Variants in PDZD2 observed in about 807,000 individuals in gnomAD.
PDZD2 encodes the protein PDZ domain-containing protein 2.
In PDZD2, 90 loss-of-function variants were observed where a neutral mutation model predicts 220.7. The observed-to-expected ratio is 0.41, with a 90% confidence interval of 0.34 to 0.49. The LOEUF is 0.49. PDZD2 is among the 20% of genes least tolerant of loss of function. PDZD2 has a pLI of 0.28. For missense variants in PDZD2, 3,174 were observed against 3,608.5 expected (o/e 0.88, Z 3.08); for synonymous variants, 1,375 against 1,450.5 (o/e 0.95, Z 1.18).
At chr5:31,856,120 T>C (rs894920838) in intron 2 of PDZD2, among the ~76,000 whole-genome samples, 1 of 152,352 alleles carries the variant, frequency 6.6e-6, no homozygotes. Flanking sequence ...GAGTTTGCAC[T>C]CTTACACTGT....
At chr5:32,079,535 C>T (rs751061537) in intron 19 of PDZD2, among the ~76,000 whole-genome samples, 1 of 151,292 alleles carries the variant, frequency 6.6e-6, no homozygotes, top group African/African-American at 2.4e-5. Context: ...GGCCGGGTGC[C>T]GTGGCTCACA....
rs1744873534 is a variant in PDZD2, at chr5:31,639,792, G to A, written c.-361+355G>A. Among the ~76,000 whole-genome samples the A allele has an allele frequency of 6.6e-6, 1 of 152,206 alleles. No individual in the cohort carries two copies. The highest frequency in any genetic ancestry group is 2.4e-5 in the African/African-American group (1 of 41,446). On this transcript the variant is annotated intron_variant, in intron 1 of 24. Transcript: ENST00000438447. This position sits in a 1 kb window ranked among gnomAD's most constrained non-coding sequence, Gnocchi z 4.1. ...CATCCCGGGTCCCCATCCCTGGGCC[G>A]TCTTCTGGTCCCTTCCTCCGACAGG...
At chr5:32,053,439 C>G (rs1394802617) in intron 9 of PDZD2, among the ~76,000 whole-genome samples, 1 of 152,206 alleles carries the variant, frequency 6.6e-6, no homozygotes, top group African/African-American at 2.4e-5. Flanking sequence ...CTCTTAAGAG[C>G]TATTTAGTGG....
At chr5:31,699,871 A>G (rs1747544609) in intron 1 of PDZD2, among the ~76,000 whole-genome samples, 1 of 151,350 alleles carries the variant, frequency 6.6e-6, no homozygotes, top group Non-Finnish European at 1.5e-5. Context: ...TATTACAGGC[A>G]TGAGCCACCG....
At chr5:31,681,371 C>T (rs917246655) in intron 1 of PDZD2, among the ~76,000 whole-genome samples, 3 of 152,078 alleles carry the variant, frequency 2.0e-5, no homozygotes, top group East Asian at 1.9e-4. Context: ...CTCAGCTTCC[C>T]GAGCAGCTGG....
intron 7 of PDZD2, among the ~76,000 whole-genome samples, chr5:32,039,814 C>T (rs974112245): frequency 2.5e-4 from 38 of 150,158 alleles, no homozygotes; most frequent in Admixed American, 2.0e-3. Flanking sequence ...ATGTGAGGAG[C>T]GCCTCTGCCT....
chr5:31,689,669 C>T (rs950423823), intron 1 of PDZD2, among the ~76,000 whole-genome samples: 4 of 151,982 alleles, frequency 2.6e-5, no homozygotes, highest in African/African-American at 9.7e-5. Flanking sequence ...TCCTTAGAGT[C>T]CTGGGTGGAG....
At chr5:32,078,332 T>C (rs1227016404) in intron 19 of PDZD2, among the ~76,000 whole-genome samples, 1 of 152,164 alleles carries the variant, frequency 6.6e-6, no homozygotes, top group African/African-American at 2.4e-5. Flanking sequence ...GCAGAAGTTA[T>C]CTCAGTATTT....
At chr5:31,929,153 T>C (rs974678820) in intron 2 of PDZD2, among the ~76,000 whole-genome samples, 1 of 152,164 alleles carries the variant, frequency 6.6e-6, no homozygotes, top group African/African-American at 2.4e-5. Flanking sequence ...GTTTTGAATC[T>C]GAATGCTTTA....
chr5:31,835,635 A>G lies in PDZD2; in HGVS notation c.476+35911A>G, dbSNP rs149958848. On this transcript the variant is annotated intron_variant, in intron 2 of 24. Coordinates refer to ENST00000438447, the MANE Select transcript of PDZD2 (RefSeq NM_178140.4). ...TCCATCTCAAAAAAAAAAAAAATGT[A>G]TCTTTTAGCTTCAAGGACCCTGCCT... Among the ~76,000 whole-genome samples, 179 of 149,234 alleles carry G rather than the reference A, an allele frequency of 1.2e-3. 1 individual carries two copies. Among genetic ancestry groups the G allele is most frequent in the African/African-American group, 4.2e-3 (174 of 41,156 alleles).
chr5:32,106,172 G>C (rs912108009), intron 24 of PDZD2: 4 of 153,752 alleles, frequency 2.6e-5, no homozygotes, highest in Non-Finnish European at 5.8e-5. Flanking sequence ...TTGCAACCAG[G>C]CATCCCATCT....
intron 1 of PDZD2, among the ~76,000 whole-genome samples, chr5:31,644,568 T>G (rs1309016175): frequency 6.6e-6 from 1 of 152,138 alleles, no homozygotes; most frequent in Non-Finnish European, 1.5e-5. Context: ...GAAGACACAT[T>G]TGTCTTTTAA....
At chr5:31,897,680 A>G (rs1209146888) in intron 2 of PDZD2, among the ~76,000 whole-genome samples, 1 of 152,144 alleles carries the variant, frequency 6.6e-6, no homozygotes, top group Non-Finnish European at 1.5e-5. Context: ...TAAGTACAGA[A>G]GAGACGCATA....
chr5:31,822,445 A>G, intron 2 of PDZD2: 2 of 398,062 alleles, frequency 5.0e-6, no homozygotes, highest in Non-Finnish European at 9.3e-6. Context: ...TAATTTTTTT[A>G]TAGTTTTTTT....
chr5:31,785,928 G>A (rs1013854205), intron 1 of PDZD2, among the ~76,000 whole-genome samples: 1 of 151,972 alleles, frequency 6.6e-6, no homozygotes, highest in African/African-American at 2.4e-5. Flanking sequence ...ACCCTATTAA[G>A]GGCCATGATG....
At chr5:31,883,216 C>CTTTTTT (rs58100064) in intron 2 of PDZD2, among the ~76,000 whole-genome samples, 4 of 94,508 alleles carry the variant, frequency 4.2e-5, no homozygotes, top group Admixed American at 2.5e-4. Context: ...AGCATGCTAC[C>CTTTTTT]TTTTTTTTTT....
intron 23 of PDZD2, chr5:32,100,256 CA>C: frequency 1.9e-5 from 3 of 159,074 alleles, no homozygotes; most frequent in Admixed American, 5.9e-5. Flanking sequence ...AGCTTGGCTT[CA>C]GCCCTAGTGA....
intron 2 of PDZD2, among the ~76,000 whole-genome samples, chr5:31,809,468 C>T (rs1754958260): frequency 6.6e-6 from 1 of 152,174 alleles, no homozygotes; most frequent in South Asian, 2.1e-4. Context: ...AGTCCCTTCA[C>T]ACACACAGCC....
intron 1 of PDZD2, among the ~76,000 whole-genome samples, chr5:31,726,255 G>T (rs942650568): frequency 6.6e-6 from 1 of 152,184 alleles, no homozygotes; most frequent in Non-Finnish European, 1.5e-5. Context: ...TGGGCCGGGC[G>T]CGGTGGCTCA....
Sources: allele counts gnomAD v4.1 joint callset (sites outside exome capture counted in the v4.1 genomes callset), GRCh38; gene constraint gnomAD v4.1.1; non-coding constraint Gnocchi (gnomAD v3.1); transcripts MANE v1.5; gene names NCBI Gene and HGNC (gene_info 2026-07-23, HGNC 2026-07-21).